FAM131C: variants seen among roughly 807,000 people sequenced by gnomAD.
FAM131C encodes protein FAM131C.
A neutral mutation model predicts 29.8 loss-of-function variants in FAM131C; 14 were observed. The observed-to-expected ratio is 0.47, with a 90% CI of 0.31 to 0.73. The LOEUF (loss-of-function observed/expected upper bound fraction) is 0.73, where lower values mean the gene tolerates loss of function less well. Ranked by LOEUF, FAM131C falls within the 30% of genes least tolerant of loss-of-function variation. FAM131C has a pLI of 0.05. For synonymous variants in FAM131C, 86 were observed against 157.8 expected, an observed-to-expected ratio of 0.54 and a Z score of 3.41; for missense variants, 252 against 383.8, an observed-to-expected ratio of 0.66 and a Z score of 2.87.
At chr1:16,058,778 G>C in intron 6 of FAM131C, 61 bp from the exon 7 acceptor site, 2 of 1,405,608 alleles carry the variant, frequency 1.4e-6, no homozygotes. Context: ...CGCCCTCTCT[G>C]GGGGTGTGAG....
intron 4 of FAM131C, among the ~76,000 whole-genome samples, chr1:16,060,592 A>G (rs2023579452): frequency 6.6e-6 from 1 of 151,810 alleles, no homozygotes; most frequent in African/African-American, 2.4e-5. Flanking sequence ...TGGGATTGGA[A>G]TTTGAAGGTG....
chr1:16,073,558 G>C lies in FAM131C; in HGVS notation c.-116C>G. 2.2e-6 allele frequency: 1 copy of C among 462,668 alleles called. No individual in the cohort carries two copies. Among genetic ancestry groups the C allele is most frequent in the Non-Finnish European group, 3.2e-6 (1 of 315,166 alleles). The allele number at this position is 462,668 out of a possible 1,614,324, so 28.7% of individuals were successfully genotyped here. A position where few individuals can be genotyped will look rare whatever the true frequency, so the allele number is the denominator to read the frequency against. ...AGCCAGAGGACGGGCGGGGCGGGGG[G>C]CTCGGGCGCCCTCAGCTCGGCCTCA... On this transcript the variant is annotated 5_prime_UTR_variant, in exon 1 of 7. Transcript: ENST00000375662.
intron 1 of FAM131C, 128 bp from the exon 2 acceptor site, chr1:16,063,764 G>T (rs1198225057): frequency 4.9e-6 from 3 of 607,492 alleles, no homozygotes; most frequent in Non-Finnish European, 8.5e-6. Context: ...AGAGAAAGCA[G>T]ACTCAAGTCC....
chr1:16,073,375 G>A (rs2023778497), intron 1 of FAM131C, 46 bp downstream of exon 1: 2 of 1,111,720 alleles, frequency 1.8e-6, no homozygotes, highest in Non-Finnish European at 1.1e-6. Context: ...GGGACTGCGC[G>A]GGTCCCCGGC....
intron 1 of FAM131C, among the ~76,000 whole-genome samples, chr1:16,066,386 G>A (rs555827094): frequency 9.2e-5 from 14 of 152,316 alleles, no homozygotes; most frequent in South Asian, 8.3e-4. Flanking sequence ...GGGGCAGCAC[G>A]GGATCCTGTG....
At chr1:16,061,649 C>T (rs1388747542) in intron 4 of FAM131C, among the ~76,000 whole-genome samples, 1 of 152,158 alleles carries the variant, frequency 6.6e-6, no homozygotes, top group Non-Finnish European at 1.5e-5. Context: ...CCAGTGGGAC[C>T]AGGTGGGCAG....
chr1:16,070,864 G>A (rs1054343986), intron 1 of FAM131C, among the ~76,000 whole-genome samples: 3 of 152,204 alleles, frequency 2.0e-5, no homozygotes, highest in Non-Finnish European at 4.4e-5. Context: ...GTAAATGGTG[G>A]AGCCCTGCTT....
At chr1:16,069,966 T>C (rs1037754970) in intron 1 of FAM131C, among the ~76,000 whole-genome samples, 1 of 152,168 alleles carries the variant, frequency 6.6e-6, no homozygotes, top group East Asian at 1.9e-4. Flanking sequence ...GGTCTCACTA[T>C]GTTGCACAGG....
chr1:16,073,051 T>A (rs1217062526), intron 1 of FAM131C, among the ~76,000 whole-genome samples: 2 of 150,680 alleles, frequency 1.3e-5, no homozygotes, highest in Non-Finnish European at 3.0e-5. Flanking sequence ...AAAGGGAGGG[T>A]CTGCTAGTTC....
intron 1 of FAM131C, among the ~76,000 whole-genome samples, chr1:16,068,978 C>T (rs749069195): frequency 6.6e-6 from 1 of 152,208 alleles, no homozygotes; most frequent in Non-Finnish European, 1.5e-5. Context: ...AGTACTGTGT[C>T]AGGTACTGTC....
chr1:16,070,587 T>C (rs1421527817), intron 1 of FAM131C, among the ~76,000 whole-genome samples: 1 of 151,762 alleles, frequency 6.6e-6, no homozygotes, highest in Non-Finnish European at 1.5e-5. Context: ...AGGCCAGGAG[T>C]TCGAGATAAG....
rs34673312 is a variant in FAM131C, at chr1:16,062,380, G to GCCCCCCCCC, written c.174+110_174+118dup. The GCCCCCCCCC allele has an allele frequency of 2.5e-4, 214 of 860,004 alleles. 1 individual carries two copies. The highest frequency in any genetic ancestry group is 2.9e-4 in the Non-Finnish European group (177 of 608,476). The allele number at this position is 860,004 out of a possible 1,614,324, so 53.3% of individuals were successfully genotyped here. ...CAACCCCCACCCACTGTTTCATCAGGCCCCCCCCCCCCCCGCCCCAGGGCC... is the reference window on the plus strand; with the variant it reads ...CAACCCCCACCCACTGTTTCATCAGGCCCCCCCCCCCCCCCCCCCCCCCGCCCCAGGGCC... On this transcript the variant is annotated intron_variant, in intron 3 of 6. Coordinates refer to ENST00000375662, the MANE Select transcript of FAM131C (RefSeq NM_182623.3).
At chr1:16,061,523 G>A (rs2023592451) in intron 4 of FAM131C, among the ~76,000 whole-genome samples, 1 of 152,168 alleles carries the variant, frequency 6.6e-6, no homozygotes, top group African/African-American at 2.4e-5. Flanking sequence ...GAGGCCGGGA[G>A]GCTACCTAGT....
intron 4 of FAM131C, among the ~76,000 whole-genome samples, chr1:16,061,013 C>A (rs2023584991): frequency 6.6e-6 from 1 of 152,062 alleles, no homozygotes; most frequent in African/African-American, 2.4e-5. Flanking sequence ...AGGGGGCTGC[C>A]AGGAATGGTT....
At chr1:16,068,256 A>G (rs2023707473) in intron 1 of FAM131C, among the ~76,000 whole-genome samples, 1 of 152,128 alleles carries the variant, frequency 6.6e-6, no homozygotes, top group African/African-American at 2.4e-5. Flanking sequence ...CCCGCTTCTC[A>G]CTTTCCGCTG....
chr1:16,071,348 G>A (rs1342851435), intron 1 of FAM131C, among the ~76,000 whole-genome samples: 1 of 152,240 alleles, frequency 6.6e-6, no homozygotes, highest in African/African-American at 2.4e-5. Context: ...CCCTGGACAA[G>A]TCACTCCACT....
intron 5 of FAM131C, 59 bp downstream of exon 5, chr1:16,059,810 G>T: frequency 7.9e-7 from 1 of 1,267,710 alleles, no homozygotes; most frequent in Non-Finnish European, 1.1e-6. Flanking sequence ...AGTGATCTGG[G>T]CCCCCAAGGA....
At chr1:16,070,596 A>G (rs2023738475) in intron 1 of FAM131C, among the ~76,000 whole-genome samples, 2 of 152,198 alleles carry the variant, frequency 1.3e-5, no homozygotes, top group South Asian at 2.1e-4. Context: ...GTTCGAGATA[A>G]GCCTGGGCAA....
intron 4 of FAM131C, among the ~76,000 whole-genome samples, chr1:16,061,067 C>T (rs947012824): frequency 3.3e-5 from 5 of 152,034 alleles, no homozygotes; most frequent in Admixed American, 6.5e-5. Context: ...CTGGGAGTCA[C>T]CCGGGTCCCC....
Sources: gnomAD v4.1 joint callset for allele counts (sites outside exome capture counted in the v4.1 genomes callset) on GRCh38, gnomAD v4.1.1 for gene constraint, MANE v1.5 for transcripts, NCBI Gene and HGNC (gene_info 2026-07-23, HGNC 2026-07-21) for gene names.